Variants in IPO11 observed in about 807,000 individuals in gnomAD.
IPO11 encodes the protein importin 11.
Under a neutral mutation model 143.2 loss-of-function variants are expected in IPO11, and 66 were observed. That is an observed-to-expected ratio of 0.46 (90% confidence interval 0.38 to 0.57). The LOEUF is 0.57. IPO11 is among the 20% of genes least tolerant of loss of function. The pLI, the probability that IPO11 is intolerant of heterozygous loss-of-function variation, is 0.00. For synonymous variants in IPO11, 385 were observed against 377.8 expected, an observed-to-expected ratio of 1.02 and a Z score of -0.22; for missense variants, 1,026 against 1,141.0, an observed-to-expected ratio of 0.90 and a Z score of 1.45.
intron 1 of IPO11, among the ~76,000 whole-genome samples, chr5:62,427,745 C>A (rs1306116046): frequency 1.3e-5 from 2 of 152,192 alleles, no homozygotes; most frequent in Admixed American, 1.3e-4. Flanking sequence ...CTGCCCTTTA[C>A]CCCTCTTCCA....
intron 5 of IPO11, among the ~76,000 whole-genome samples, chr5:62,458,453 G>C (rs979102396): frequency 1.3e-5 from 2 of 152,016 alleles, no homozygotes; most frequent in Admixed American, 6.6e-5. Flanking sequence ...GGTGCATGCC[G>C]CTATGCCCGG....
chr5:62,472,529 C>CT (rs11398365), intron 7 of IPO11, among the ~76,000 whole-genome samples: 13,496 of 131,142 alleles, frequency 0.1, 729 homozygotes, highest in South Asian at 0.15. Context: ...ATATAAAAAT[C>CT]TTTTTTTTTT....
chr5:62,469,198 T>C (rs1745678338), intron 6 of IPO11, among the ~76,000 whole-genome samples: 1 of 152,160 alleles, frequency 6.6e-6, no homozygotes, highest in Admixed American at 6.5e-5. Context: ...CTCAAGGTCT[T>C]GTGGTGAGAA....
At chr5:62,581,730 A>G (rs1191968929) in intron 27 of IPO11, among the ~76,000 whole-genome samples, 2 of 152,060 alleles carry the variant, frequency 1.3e-5, no homozygotes, top group Non-Finnish European at 2.9e-5. Flanking sequence ...TGGTTCTAGG[A>G]TTGTGATATG....
chr5:62,421,675 T>C (rs940353419), intron 1 of IPO11, among the ~76,000 whole-genome samples: 1 of 152,216 alleles, frequency 6.6e-6, no homozygotes, highest in East Asian at 1.9e-4. Context: ...TATGGGTGGC[T>C]CCAAGGTGAT....
chr5:62,442,863 A>AAAAC, intron 2 of IPO11, 120 bp from the exon 3 acceptor site: 8 of 468,014 alleles, frequency 1.7e-5, no homozygotes, highest in Non-Finnish European at 2.9e-5. Flanking sequence ...AAACTGTCTC[A>AAAAC]AAAACAAAAC....
chr5:62,435,104 A>G (rs1444602887), intron 1 of IPO11, among the ~76,000 whole-genome samples: 1 of 76,282 alleles, frequency 1.3e-5, no homozygotes, highest in African/African-American at 5.6e-5. Flanking sequence ...ATATATGTAT[A>G]TATATGTATA....
intron 9 of IPO11, among the ~76,000 whole-genome samples, chr5:62,478,442 C>T (rs1482933599): frequency 6.6e-6 from 1 of 152,186 alleles, no homozygotes; most frequent in Non-Finnish European, 1.5e-5. Context: ...GCTGGGATTA[C>T]AGGCGTGAGC....
chr5:62,467,305 C>T (rs1398960595), intron 6 of IPO11, 42 bp downstream of exon 6: 3 of 1,569,406 alleles, frequency 1.9e-6, no homozygotes, highest in Non-Finnish European at 1.7e-6. Context: ...AATGAGATAC[C>T]TCAGAACAGT....
intron 26 of IPO11, 107 bp from the exon 27 acceptor site, chr5:62,561,029 A>AT: frequency 2.0e-6 from 2 of 988,262 alleles, no homozygotes; most frequent in Non-Finnish European, 2.9e-6. Flanking sequence ...GTGGTTTACT[A>AT]TAATTGAATT....
At chr5:62,475,754 T>C (rs761074783) in intron 8 of IPO11, among the ~76,000 whole-genome samples, 10 of 152,268 alleles carry the variant, frequency 6.6e-5, no homozygotes, top group Admixed American at 1.3e-4. Flanking sequence ...TAACCTCCAC[T>C]GGCTTATCTT....
chr5:62,504,590 A>G (rs1390759587), intron 16 of IPO11, 77 bp from the exon 17 acceptor site: 7 of 812,788 alleles, frequency 8.6e-6, no homozygotes, highest in Non-Finnish European at 1.4e-5. Context: ...GTGATTTGGA[A>G]TAAAATTTTT....
chr5:62,470,150 C>A, intron 6 of IPO11, 100 bp from the exon 7 acceptor site: 1 of 1,158,748 alleles, frequency 8.6e-7, no homozygotes, highest in Non-Finnish European at 1.3e-6. Flanking sequence ...CCAGATTAAC[C>A]TCCAAGCTTG....
chr5:62,550,435 T>C lies in IPO11; in HGVS notation c.2319T>C (p.Tyr773=), dbSNP rs988801297. The change falls in exon 25 of 30, where the codon TAT becomes TAC. Residue 773 remains tyrosine, a synonymous_variant. Transcript: ENST00000325324. The part of the protein sequence containing the change: ...GPQMFQPILP[Y]VFKGIIEGER... Reference sequence around the variant, plus strand: ...AAATGTTTCAACCGATTTTACCCTATGTTTTCAAGGGTATTATAGAAGGGG... The same window carrying C: ...AAATGTTTCAACCGATTTTACCCTACGTTTTCAAGGGTATTATAGAAGGGG... The C allele has an allele frequency of 6.2e-7, 1 of 1,612,650 alleles. No individual in the cohort carries two copies. Among genetic ancestry groups the C allele is most frequent in the Non-Finnish European group, 8.5e-7 (1 of 1,178,972 alleles).
chr5:62,580,946 C>G (rs115682516), intron 27 of IPO11: 2 of 1,551,032 alleles, frequency 1.3e-6, no homozygotes, highest in Non-Finnish European at 1.7e-6. Context: ...AGTGCTCTAC[C>G]GAATGATGCT....
At chr5:62,432,732 T>C (rs1744037332) in intron 1 of IPO11, among the ~76,000 whole-genome samples, 1 of 152,222 alleles carries the variant, frequency 6.6e-6, no homozygotes, top group Admixed American at 6.5e-5. Flanking sequence ...AAATATTCTT[T>C]CTCTTCTAAT....
chr5:62,489,165 G>T, intron 13 of IPO11, 137 bp from the exon 14 acceptor site: 4 of 475,822 alleles, frequency 8.4e-6, no homozygotes, highest in Non-Finnish European at 7.2e-6. Context: ...CTTTGTACTT[G>T]TGTCCATTTT....
intron 5 of IPO11, among the ~76,000 whole-genome samples, chr5:62,454,095 A>G (rs1257868300): frequency 6.6e-6 from 1 of 152,166 alleles, no homozygotes; most frequent in Admixed American, 6.5e-5. Flanking sequence ...AGATTGCACC[A>G]CTGCACTCCA....
chr5:62,469,319 T>C (rs970279665), intron 6 of IPO11, among the ~76,000 whole-genome samples: 2 of 152,234 alleles, frequency 1.3e-5, no homozygotes, highest in African/African-American at 4.8e-5. Context: ...ATATGATGAT[T>C]TCAAACTGAA....
Sources: gnomAD v4.1 joint callset for allele counts (sites outside exome capture counted in the v4.1 genomes callset) on GRCh38, gnomAD v4.1.1 for gene constraint, MANE v1.5 for transcripts, NCBI Gene and HGNC (gene_info 2026-07-23, HGNC 2026-07-21) for gene names.